Variants in SLC44A5 observed in about 807,000 individuals in gnomAD.
SLC44A5 encodes choline transporter-like protein 5.
In SLC44A5, 57 loss-of-function variants were observed where a neutral mutation model predicts 101.8. The ratio of observed to expected loss-of-function variants is 0.56; its 90% CI spans 0.45 to 0.70. The LOEUF is 0.70. Among genes scored for constraint, SLC44A5 ranks in the 30% least tolerant of loss-of-function variants. The probability of loss-of-function intolerance (pLI) is 0.00; values close to 1 mark genes in which losing one functional copy is unlikely to be tolerated. For missense variants in SLC44A5, 737 were observed against 853.1 expected, an observed-to-expected ratio of 0.86 and a Z score of 1.70; for synonymous variants, 281 against 290.9, an observed-to-expected ratio of 0.97 and a Z score of 0.35.
At chr1:75,615,538 CT>C (rs1675841919), upstream of SLC44A5, among the ~76,000 whole-genome samples, 1 of 151,918 alleles carries the variant, frequency 6.6e-6, no homozygotes, top group Admixed American at 6.6e-5. Context: ...AGTCGCTTCT[CT>C]CCCCACTGCC....
At position 75,525,027 on chromosome 1, in the gene SLC44A5, CA is replaced by C. The variant is rs910745029; in HGVS notation, c.13+16407del. ...GTTGATGAGGCAAAGTTATTCTTCACAGAACAATGTCAGCTACTAAATATAG... is the reference window on the plus strand; with the variant it reads ...GTTGATGAGGCAAAGTTATTCTTCACGAACAATGTCAGCTACTAAATATAG... On this transcript the variant is annotated intron_variant, in intron 2 of 23. Coordinates refer to ENST00000370859, the MANE Select transcript of SLC44A5 (RefSeq NM_001130058.2). Among the ~76,000 whole-genome samples the C allele has an allele frequency of 3.3e-4, 50 of 152,050 alleles. 1 individual carries two copies. The highest frequency in any genetic ancestry group is 1.2e-3 in the African/African-American group (48 of 41,496).
At chr1:75,668,357 A>G in the SLC44A5 span, among the ~76,000 whole-genome samples, 1 of 113,396 alleles carries the variant, frequency 8.8e-6, no homozygotes, top group African/African-American at 3.7e-5. Flanking sequence ...ATAAGATCTC[A>G]CTGTCACCCA....
intron 1 of SLC44A5, among the ~76,000 whole-genome samples, chr1:75,594,251 G>T (rs1674513843): frequency 6.6e-6 from 1 of 151,652 alleles, no homozygotes; most frequent in Non-Finnish European, 1.5e-5. Flanking sequence ...TATTAAACAA[G>T]GTAAGAAAAA....
chr1:75,582,484 G>T, intron 1 of SLC44A5: 2 of 590,496 alleles, frequency 3.4e-6, no homozygotes, highest in Non-Finnish European at 6.0e-6. Context: ...ATCAAACCAA[G>T]GCCCAGCCTG....
At chr1:75,608,892 A>AT (rs796514572) in intron 1 of SLC44A5, among the ~76,000 whole-genome samples, 12 of 149,952 alleles carry the variant, frequency 8.0e-5, no homozygotes, top group East Asian at 2.0e-4. Context: ...TACTATGCTC[A>AT]TTTTTTTTTC....
chr1:75,680,832 T>C, the SLC44A5 span, among the ~76,000 whole-genome samples: 4 of 151,508 alleles, frequency 2.6e-5, no homozygotes, highest in African/African-American at 9.7e-5. Context: ...AGCTGGTTTT[T>C]TGAAAGGATC....
rs371647505 is a variant in SLC44A5 at position 75,287,426 on chromosome 1, C to CTTTTTTTTTT, written c.176-12394_176-12385dup. ...AGCTTAATAATTGACCTTCTGAATT[C>CTTTTTTTTTT]TTTTTTTTTTTTTTTTTTTTTTTGG... On this transcript the variant is annotated intron_variant, in intron 5 of 23. Transcript: ENST00000370859. Among the ~76,000 whole-genome samples the CTTTTTTTTTT allele has an allele frequency of 5.7e-4, 40 of 69,898 alleles. 3 individuals are homozygous for CTTTTTTTTTT. The highest frequency in any genetic ancestry group is 1.6e-3 in the East Asian group (3 of 1,872). The allele number at this position is 69,898 out of a possible 152,430, so 45.9% of individuals were successfully genotyped here.
chr1:75,516,944 G>T (rs1669871600), intron 2 of SLC44A5, among the ~76,000 whole-genome samples: 1 of 152,166 alleles, frequency 6.6e-6, no homozygotes, highest in South Asian at 2.1e-4. Context: ...TTCATGGGAA[G>T]AATTGCATGT....
At chr1:75,617,995 C>T in the SLC44A5 span, among the ~76,000 whole-genome samples, 3 of 152,168 alleles carry the variant, frequency 2.0e-5, no homozygotes, top group East Asian at 1.9e-4. Flanking sequence ...GTTTTACAGA[C>T]GGTGAAATGG....
intron 2 of SLC44A5, among the ~76,000 whole-genome samples, chr1:75,488,346 C>A (rs887347267): frequency 2.6e-5 from 4 of 152,052 alleles, no homozygotes; most frequent in Admixed American, 2.6e-4. Flanking sequence ...TAAACCAGTA[C>A]AACATATTGC....
chr1:75,531,173 G>A (rs891009640), intron 2 of SLC44A5, among the ~76,000 whole-genome samples: 2 of 152,120 alleles, frequency 1.3e-5, no homozygotes, highest in African/African-American at 2.4e-5. Flanking sequence ...TTCAGAAAGC[G>A]CATTAGCATA....
chr1:75,399,422 A>G (rs1231862626), intron 2 of SLC44A5, among the ~76,000 whole-genome samples: 1 of 152,224 alleles, frequency 6.6e-6, no homozygotes, highest in Admixed American at 6.5e-5. Flanking sequence ...ACAAATCCAG[A>G]AAGTGAGATA....
At chr1:75,333,821 T>A (rs1025098368) in intron 4 of SLC44A5, among the ~76,000 whole-genome samples, 1 of 152,146 alleles carries the variant, frequency 6.6e-6, no homozygotes, top group African/African-American at 2.4e-5. Context: ...CTTGCACTCA[T>A]ACTTGAAGAC....
intron 3 of SLC44A5, among the ~76,000 whole-genome samples, chr1:75,355,313 A>C (rs1212341085): frequency 6.6e-6 from 1 of 152,222 alleles, no homozygotes; most frequent in Non-Finnish European, 1.5e-5. Context: ...AGAGCTAATC[A>C]AGATACAAAA....
At chr1:75,494,117 G>A (rs762391246) in intron 2 of SLC44A5, among the ~76,000 whole-genome samples, 2 of 152,124 alleles carry the variant, frequency 1.3e-5, no homozygotes, top group Non-Finnish European at 1.5e-5. Flanking sequence ...ATTATCAAAG[G>A]GTGAGTGTGG....
chr1:75,346,279 C>G (rs2101052820), intron 3 of SLC44A5, among the ~76,000 whole-genome samples: 1 of 152,256 alleles, frequency 6.6e-6, no homozygotes, highest in East Asian at 1.9e-4. Flanking sequence ...CCAAGAATGT[C>G]AAATCTCCTG....
At chr1:75,395,238 A>G (rs1354641525) in intron 3 of SLC44A5, among the ~76,000 whole-genome samples, 2 of 152,170 alleles carry the variant, frequency 1.3e-5, no homozygotes, top group Non-Finnish European at 2.9e-5. Flanking sequence ...CATAACTCAG[A>G]TCATACTGAG....
At chr1:75,515,685 A>G (rs921134710) in intron 2 of SLC44A5, among the ~76,000 whole-genome samples, 4 of 152,290 alleles carry the variant, frequency 2.6e-5, no homozygotes, top group Admixed American at 2.0e-4. Context: ...GTCTGATTCC[A>G]TAACTGGTCA....
At chr1:75,406,038 C>T (rs1016610905) in intron 2 of SLC44A5, among the ~76,000 whole-genome samples, 7 of 152,004 alleles carry the variant, frequency 4.6e-5, no homozygotes, top group Non-Finnish European at 7.4e-5. Context: ...ATATCACCAC[C>T]GATTCCACAG....
Sources: allele counts gnomAD v4.1 joint callset (sites outside exome capture counted in the v4.1 genomes callset), GRCh38; gene constraint gnomAD v4.1.1; transcripts MANE v1.5; gene names NCBI Gene and HGNC (gene_info 2026-07-23, HGNC 2026-07-21).